The following SOX8 variants were observed in gnomAD, a reference collection of about 807,000 sequenced individuals.
The protein encoded by SOX8 is transcription factor SOX-8.
In SOX8, 9 loss-of-function variants were observed where a neutral mutation model predicts 22.9. The observed-to-expected ratio is 0.39, with a 90% CI of 0.24 to 0.69. SOX8 has a LOEUF of 0.69. Ranked by LOEUF, SOX8 falls within the 30% of genes least tolerant of loss-of-function variation. SOX8 has a pLI of 0.43. For missense variants in SOX8, 734 were observed against 699.4 expected (o/e 1.05, Z -0.56); for synonymous variants, 416 against 330.6 (o/e 1.26, Z -2.80).
chr16:985,310 G>A lies in SOX8; in HGVS notation c.1265G>A (p.Gly422Asp). 6.2e-7 allele frequency: 1 copy of A among 1,604,354 alleles called. No homozygotes were observed. ...RRPYASPLLN[G>D]LALPPAHSPT... ...CCCTACGCCTCACCCCTGCTCAACG[G>A]CCTGGCCCTGCCGCCCGCCCACAGC... is the stretch of plus-strand genomic sequence containing the variant. The change falls in exon 3 of 3, where the codon GGC (glycine) becomes GAC (aspartate). Residue 422 changes from glycine (G) to aspartate (D), a missense_variant. Physicochemically the swap from Gly to Asp is moderately conservative, Grantham distance 94 (BLOSUM62 -1). Coordinates refer to ENST00000293894, the MANE Select transcript of SOX8 (RefSeq NM_014587.5).
rs1291615668 is a variant in SOX8 at position 985,980 on chromosome 16, T to C, written c.*594T>C. On this transcript the variant is annotated 3_prime_UTR_variant, in exon 3 of 3. Transcript: ENST00000293894. ...GGCTGTGATGAACACATCTCTCTTT[T>C]ATTTTTATGTTTTTGATAATTTTTA... 1.3e-5 allele frequency: 2 copies of C among 152,668 alleles called. No individual in the cohort carries two copies. Among genetic ancestry groups the C allele is most frequent in the Non-Finnish European group, 2.9e-5 (2 of 68,334 alleles). 9.5% of individuals were successfully genotyped at this position (152,668 alleles called of 1,614,324 possible). A position where few individuals can be genotyped will look rare whatever the true frequency, so the allele number is the denominator to read the frequency against.
chr16:982,648 G>A (rs2073410351), intron 1 of SOX8: 3 of 307,802 alleles, frequency 9.7e-6, no homozygotes, highest in Non-Finnish European at 1.8e-5. Context: ...GAGGGCCATG[G>A]CTGGCACCCC....
rs888865779 is a variant in SOX8, at chr16:986,440, C to A, written c.*1054C>A. The A allele has an allele frequency of 1.3e-5, 2 of 152,274 alleles. No individual in the cohort carries two copies. The highest frequency in any genetic ancestry group is 2.9e-5 in the Non-Finnish European group (2 of 68,056). The allele number at this position is 152,274 out of a possible 1,614,324, so 9.4% of individuals were successfully genotyped here. On this transcript the variant is annotated 3_prime_UTR_variant, in exon 3 of 3. Coordinates refer to ENST00000293894, the MANE Select transcript of SOX8 (RefSeq NM_014587.5). ...GTAGGACACATAGGACACAGGAATT[C>A]CTGGGTCCTTGCCCATGACTGTGCC...
chr16:982,162 C>G lies in SOX8; in HGVS notation c.240C>G (p.Asp80Glu). Residue 80 changes from aspartate to glutamate, a missense_variant, in exon 1 of 3, where the codon GAC (aspartate) becomes GAG (glutamate). Around this residue, in one of 3 missense-constraint regions of SOX8, gnomAD observed 588 missense variants for 568.2 expected, o/e 1.03. Coordinates refer to ENST00000293894, the MANE Select transcript of SOX8 (RefSeq NM_014587.5). ...DAVSQVLKGY[D>E]WSLVPMPVRG... ...TGTCGCAGGTGCTCAAGGGCTACGA[C>G]TGGAGTCTGGTGCCCATGCCGGTGC... 1 of 1,497,504 alleles carries G rather than the reference C, an allele frequency of 6.7e-7. No homozygotes were observed. Among genetic ancestry groups the G allele is most frequent in the South Asian group, 1.3e-5 (1 of 79,610 alleles). The allele number at this position is 1,497,504 out of a possible 1,614,324, so 92.8% of individuals were successfully genotyped here. A position where few individuals can be genotyped will look rare whatever the true frequency, so the allele number is the denominator to read the frequency against.
chr16:982,626 G>A, intron 1 of SOX8: 1 of 349,692 alleles, frequency 2.9e-6, no homozygotes, highest in Non-Finnish European at 5.1e-6. Context: ...TCCTGGCGGG[G>A]AACACCCTGC....
chr16:982,046 C>T lies in SOX8; in HGVS notation c.124C>T (p.Leu42=). The change falls in exon 1 of 3, where the codon CTG becomes TTG. Residue 42 remains leucine (L), a synonymous_variant. Transcript: ENST00000293894. ...GCCGTCTCCCGCCGGCTCCGAGGGCCTGGGCCGCGCGGGGGTCGCGGTGGG... is the reference window on the plus strand; with the variant it reads ...GCCGTCTCCCGCCGGCTCCGAGGGCTTGGGCCGCGCGGGGGTCGCGGTGGG... ...APPSPAGSEG[L]GRAGVAVGGA... is the part of the protein sequence containing the mutation. The T allele has an allele frequency of 7.6e-7, 1 of 1,309,144 alleles. No homozygotes were observed. Among genetic ancestry groups the T allele is most frequent in the African/African-American group, 1.5e-5 (1 of 64,564 alleles). The allele number at this position is 1,309,144 out of a possible 1,614,324, so 81.1% of individuals were successfully genotyped here. A position where few individuals can be genotyped will look rare whatever the true frequency, so the allele number is the denominator to read the frequency against.
chr16:982,284 C>A lies in SOX8; in HGVS notation c.362C>A (p.Ala121Asp). The A allele has an allele frequency of 6.6e-7, 1 of 1,517,652 alleles. No individual in the cohort carries two copies. The highest frequency in any genetic ancestry group is 8.8e-7 in the Non-Finnish European group (1 of 1,133,824). The allele number at this position is 1,517,652 out of a possible 1,614,324, so 94.0% of individuals were successfully genotyped here. ...GCGCAGGCGGCGCGCCGCAAGCTGGCCGACCAGTACCCGCACCTGCACAAC... is the reference window on the plus strand; with the variant it reads ...GCGCAGGCGGCGCGCCGCAAGCTGGACGACCAGTACCCGCACCTGCACAAC... ...VWAQAARRKL[A>D]DQYPHLHNAE... Residue 121 changes from alanine to aspartate, a missense_variant, in exon 1 of 3, where the codon GCC becomes GAC. Ala to Asp is a moderately radical substitution (Grantham distance 126, BLOSUM62 -2). Transcript: ENST00000293894.
chr16:982,603 C>G (rs2073409237), intron 1 of SOX8: 1 of 378,556 alleles, frequency 2.6e-6, no homozygotes, highest in African/African-American at 2.1e-5. Flanking sequence ...CGGGTGCGCT[C>G]TGGAGCCAGT....
Position 981,912 on chromosome 16 carries a change from G to C in SOX8, c.-11G>C. On this transcript the variant is annotated 5_prime_UTR_variant, in exon 1 of 3. Transcript: ENST00000293894. ...GCGTCTCCTGTGCGCGCCCCTCCGCGCGCGGCCCCGATGCTGGACATGAGC... is the reference window on the plus strand; with the variant it reads ...GCGTCTCCTGTGCGCGCCCCTCCGCCCGCGGCCCCGATGCTGGACATGAGC... The C allele has an allele frequency of 8.0e-7, 1 of 1,247,988 alleles. No individual in the cohort carries two copies. The allele number at this position is 1,247,988 out of a possible 1,614,324, so 77.3% of individuals were successfully genotyped here. A position where few individuals can be genotyped will look rare whatever the true frequency, so the allele number is the denominator to read the frequency against.
Position 986,221 on chromosome 16 carries a change from T to TGGAGGGCCC in SOX8, c.*841_*849dup, listed in dbSNP as rs924067308. The TGGAGGGCCC allele has an allele frequency of 6.6e-6, 1 of 152,238 alleles. No homozygotes were observed. The highest frequency in any genetic ancestry group is 1.5e-5 in the Non-Finnish European group (1 of 68,038). The allele number at this position is 152,238 out of a possible 1,614,324, so 9.4% of individuals were successfully genotyped here. ...TTGCTCGGCTTATGGGAGGCCGCCC[T>TGGAGGGCCC]GGAGGGCCCGGAGGTCCCAAGGTCC... On this transcript the variant is annotated 3_prime_UTR_variant, in exon 3 of 3. Coordinates refer to ENST00000293894, the MANE Select transcript of SOX8 (RefSeq NM_014587.5).
chr16:982,065 C>T lies in SOX8; in HGVS notation c.143C>T (p.Ala48Val), dbSNP rs1228288538. ...GSEGLGRAGV[A>V]VGGARGDPAE... ...GAGGGCCTGGGCCGCGCGGGGGTCG[C>T]GGTGGGGGGCGCCCGGGGCGACCCG... The change falls in exon 1 of 3, where the codon GCG becomes GTG. Residue 48 changes from alanine to valine, a missense_variant. Ala to Val is a moderately conservative substitution (Grantham distance 64). This residue lies in a region of SOX8 where 139 missense variants were observed against 109.1 expected (regional missense o/e 1.27). Transcript: ENST00000293894. The T allele has an allele frequency of 1.5e-6, 2 of 1,295,022 alleles. No individual in the cohort carries two copies. The highest frequency in any genetic ancestry group is 1.6e-5 in the African/African-American group (1 of 64,146). The allele number at this position is 1,295,022 out of a possible 1,614,324, so 80.2% of individuals were successfully genotyped here. A position where few individuals can be genotyped will look rare whatever the true frequency, so the allele number is the denominator to read the frequency against.
In SOX8 at chr16:984,954, T is replaced by C. The variant is rs11542178; in HGVS notation, c.909T>C (p.Tyr303=). ...GPAPPEPGQA[Y]GGAYFHAGAS... ...CCCCACCCGAGCCGGGCCAGGCCTA[T>C]GGGGGCGCCTACTTCCACGCCGGGG... Residue 303 remains tyrosine (Y), a synonymous_variant, in exon 3 of 3, where the codon TAT becomes TAC. Coordinates refer to ENST00000293894, the MANE Select transcript of SOX8 (RefSeq NM_014587.5). The C allele has an allele frequency of 0.31, 488,724 of 1,597,014 alleles. 79,102 individuals carry two copies. Among genetic ancestry groups the C allele is most frequent in the African/African-American group, 0.57 (42,157 of 73,970 alleles).
In SOX8 at chr16:981,782, T is replaced by TCGGCGGCGG. The variant is rs534559480; in HGVS notation, c.-127_-119dup. The stretch of plus-strand genomic sequence containing the variant: ...CGGGTCCCGCAGCGGGACCCGAGCC[T>TCGGCGGCGG]CGGCGGCGGCGGCGGCGGCGGCAGG... On this transcript the variant is annotated 5_prime_UTR_variant, in exon 1 of 3. Coordinates refer to ENST00000293894, the MANE Select transcript of SOX8 (RefSeq NM_014587.5). 4.0e-3 allele frequency: 965 copies of TCGGCGGCGG among 243,552 alleles called. 13 individuals carry two copies. The highest frequency in any genetic ancestry group is 0.031 in the East Asian group (164 of 5,314). 15.1% of individuals were successfully genotyped at this position (243,552 alleles called of 1,614,324 possible).
rs746568573 is a variant in SOX8, at chr16:985,309, G to A, written c.1264G>A (p.Gly422Ser). Residue 422 changes from glycine to serine, a missense_variant, in exon 3 of 3, where the codon GGC (glycine) becomes AGC (serine). Physicochemically the swap from Gly to Ser is moderately conservative, Grantham distance 56 (BLOSUM62 0). Around this residue, in one of 3 missense-constraint regions of SOX8, gnomAD observed 588 missense variants for 568.2 expected, o/e 1.03. Transcript: ENST00000293894. ...GCCCTACGCCTCACCCCTGCTCAAC[G>A]GCCTGGCCCTGCCGCCCGCCCACAG... is the stretch of plus-strand genomic sequence containing the variant. ...RRPYASPLLN[G>S]LALPPAHSPT... 1.4e-5 allele frequency: 22 copies of A among 1,606,844 alleles called. No homozygotes were observed. The highest frequency in any genetic ancestry group is 3.3e-4 in the Middle Eastern group (2 of 6,056).
At position 983,710 on chromosome 16, in the gene SOX8, C is replaced by T. The variant is rs2073429441; in HGVS notation, c.423-18C>T. Reference sequence around the variant, plus strand: ...CAGTGGGCGCCCTGGCCATCCCTGCCTCTGCCCTGTGCTGCAGCTTGCTGA... The same window carrying T: ...CAGTGGGCGCCCTGGCCATCCCTGCTTCTGCCCTGTGCTGCAGCTTGCTGA... On this transcript the variant is annotated intron_variant, in intron 1 of 2. Transcript: ENST00000293894. The T allele has an allele frequency of 1.2e-6, 2 of 1,608,552 alleles. No homozygotes were observed. The highest frequency in any genetic ancestry group is 1.7e-6 in the Non-Finnish European group (2 of 1,177,502).
chr16:981,914 G>A lies in SOX8; in HGVS notation c.-9G>A, dbSNP rs1163066975. The A allele has an allele frequency of 2.4e-6, 3 of 1,252,702 alleles. No homozygotes were observed. Among genetic ancestry groups the A allele is most frequent in the Non-Finnish European group, 2.0e-6 (2 of 997,226 alleles). The allele number at this position is 1,252,702 out of a possible 1,614,324, so 77.6% of individuals were successfully genotyped here. A position where few individuals can be genotyped will look rare whatever the true frequency, so the allele number is the denominator to read the frequency against. ...GTCTCCTGTGCGCGCCCCTCCGCGCGCGGCCCCGATGCTGGACATGAGCGA... is the reference window on the plus strand; with the variant it reads ...GTCTCCTGTGCGCGCCCCTCCGCGCACGGCCCCGATGCTGGACATGAGCGA... On this transcript the variant is annotated 5_prime_UTR_variant, in exon 1 of 3. Transcript: ENST00000293894.
At chr16:982,960 T>C (rs2073416570) in intron 1 of SOX8, 1 of 152,358 alleles carries the variant, frequency 6.6e-6, no homozygotes, top group Non-Finnish European at 1.5e-5. Flanking sequence ...GCCGGTCAGT[T>C]TTCCAGAAAT....
intron 2 of SOX8, among the ~76,000 whole-genome samples, chr16:984,235 C>T (rs989581028): frequency 2.6e-5 from 4 of 152,222 alleles, no homozygotes; most frequent in Non-Finnish European, 5.9e-5. Flanking sequence ...CAGTCCAATG[C>T]GGGCTCCTCT....
intron 1 of SOX8, 46 bp downstream of exon 1, chr16:982,390 C>G (rs548825478): frequency 1.5e-6 from 2 of 1,300,534 alleles, no homozygotes; most frequent in Non-Finnish European, 2.0e-6. Context: ...CTTGGCCGCC[C>G]CTGGTCTCGG....
Sources: gnomAD v4.1 joint callset for allele counts (sites outside exome capture counted in the v4.1 genomes callset) on GRCh38, gnomAD v4.1.1 for gene constraint, gnomAD v4.1.1 regional missense constraint, MANE v1.5 for transcripts, NCBI Gene and HGNC (gene_info 2026-07-23, HGNC 2026-07-21) for gene names.